PTPRZ1: variants seen among roughly 807,000 people sequenced by gnomAD.
The protein encoded by PTPRZ1 is receptor-type tyrosine-protein phosphatase zeta.
In PTPRZ1, 82 loss-of-function variants were observed where a neutral mutation model predicts 214.1. The ratio of observed to expected loss-of-function variants is 0.38; its 90% CI spans 0.32 to 0.46. PTPRZ1 has a LOEUF of 0.46. PTPRZ1 is among the 20% of genes least tolerant of loss of function. The pLI, the probability that PTPRZ1 is intolerant of heterozygous loss-of-function variation, is 1.00. For synonymous variants in PTPRZ1, 945 were observed against 987.9 expected (o/e 0.96, Z 0.81); for missense variants, 2,603 against 2,748.7 (o/e 0.95, Z 1.19).
Position 121,873,594 on chromosome 7 carries a change from G to A in PTPRZ1, c.58+37G>A, listed in dbSNP as rs1242036306. 1.9e-6 allele frequency: 3 copies of A among 1,608,334 alleles called. No individual in the cohort carries two copies. The African/African-American group carries it at 4.0e-5, about 22-fold the overall frequency. On this transcript the variant is annotated intron_variant, in intron 1 of 29. Transcript: ENST00000393386. Reference sequence around the variant, plus strand: ...GAGCTCGGTGGGGTTTCAGCTCCGGGATCGGTGGGATGAGGGTGGGAGCAT... The same window carrying A: ...GAGCTCGGTGGGGTTTCAGCTCCGGAATCGGTGGGATGAGGGTGGGAGCAT...
At chr7:122,035,299 T>C (rs941731488) in intron 17 of PTPRZ1, among the ~76,000 whole-genome samples, 1 of 152,170 alleles carries the variant, frequency 6.6e-6, no homozygotes, top group African/African-American at 2.4e-5. Context: ...TCCACAGAGT[T>C]TACACTAATT....
chr7:121,884,070 G>A (rs1238039085), intron 1 of PTPRZ1, among the ~76,000 whole-genome samples: 3 of 151,630 alleles, frequency 2.0e-5, no homozygotes, highest in African/African-American at 7.3e-5. Flanking sequence ...TGAAATGTAA[G>A]CATATTTTTT....
chr7:121,939,299 C>T (rs1290544625), intron 2 of PTPRZ1, among the ~76,000 whole-genome samples: 1 of 151,998 alleles, frequency 6.6e-6, no homozygotes, highest in African/African-American at 2.4e-5. Context: ...AGTGCTTTGC[C>T]ACCTGGAAAT....
intron 10 of PTPRZ1, among the ~76,000 whole-genome samples, chr7:122,003,087 A>G (rs1798376732): frequency 6.6e-6 from 1 of 152,188 alleles, no homozygotes; most frequent in African/African-American, 2.4e-5. Context: ...GCGATTACAA[A>G]GACACAAGTG....
chr7:121,978,358 G>C (rs1797504852), intron 6 of PTPRZ1, among the ~76,000 whole-genome samples: 1 of 152,160 alleles, frequency 6.6e-6, no homozygotes, highest in Non-Finnish European at 1.5e-5. Flanking sequence ...CACACTGAGA[G>C]TAAGTGATGT....
At chr7:121,941,845 G>A (rs1796246453) in intron 2 of PTPRZ1, among the ~76,000 whole-genome samples, 1 of 152,142 alleles carries the variant, frequency 6.6e-6, no homozygotes. Flanking sequence ...CTTAAGGAGT[G>A]ATAATAAATA....
chr7:121,907,166 C>G (rs557641418), intron 1 of PTPRZ1, among the ~76,000 whole-genome samples: 1 of 152,022 alleles, frequency 6.6e-6, no homozygotes, highest in South Asian at 2.1e-4. Context: ...ATGTTTTTTG[C>G]TTACAAATAT....
chr7:122,041,341 C>T (rs777856919), intron 21 of PTPRZ1, among the ~76,000 whole-genome samples: 1 of 147,916 alleles, frequency 6.8e-6, no homozygotes, highest in South Asian at 2.1e-4. Flanking sequence ...AACCCCTGTC[C>T]CTAGGAGTTA....
intron 28 of PTPRZ1, 84 bp downstream of exon 28, chr7:122,059,026 G>T (rs1370463229): frequency 1.5e-6 from 2 of 1,300,694 alleles, no homozygotes; most frequent in Non-Finnish European, 2.1e-6. Context: ...CAAACCTAAT[G>T]CTTTGGACCC....
chr7:122,030,009 T>C (rs1032617033), intron 14 of PTPRZ1, among the ~76,000 whole-genome samples: 7 of 151,980 alleles, frequency 4.6e-5, no homozygotes, highest in African/African-American at 1.7e-4. Flanking sequence ...CTTCCAAACA[T>C]GTCTCTTCTG....
At chr7:121,984,546 G>T (rs898594996) in intron 8 of PTPRZ1, among the ~76,000 whole-genome samples, 1 of 152,128 alleles carries the variant, frequency 6.6e-6, no homozygotes, top group African/African-American at 2.4e-5. Context: ...CTTTATGGGA[G>T]AACCGCCTTT....
In PTPRZ1 at chr7:122,057,565, T is replaced by C. The variant is rs1584785288; in HGVS notation, c.6529-1235T>C. 4.6e-5 allele frequency among the ~76,000 whole-genome samples: 7 copies of C among 151,802 alleles called. 1 individual carries two copies. Among genetic ancestry groups the C allele is most frequent in the Admixed American group, 4.6e-4 (7 of 15,218 alleles). ...TTTATCAGAGGTCTCGTATTGTGGA[T>C]ACTAATCCTTTGTCAGCTGCATATA... On this transcript the variant is annotated intron_variant, in intron 27 of 29. Transcript: ENST00000393386.
At chr7:121,918,114 G>A (rs1795480815) in intron 1 of PTPRZ1, among the ~76,000 whole-genome samples, 1 of 151,790 alleles carries the variant, frequency 6.6e-6, no homozygotes, top group South Asian at 2.1e-4. Context: ...AAGGAGTCAA[G>A]AAACTCTGCC....
At chr7:121,896,723 A>G (rs1234179153) in intron 1 of PTPRZ1, among the ~76,000 whole-genome samples, 1 of 152,062 alleles carries the variant, frequency 6.6e-6, no homozygotes, top group Non-Finnish European at 1.5e-5. Flanking sequence ...CAATGAGCCA[A>G]GATCGCGCCA....
At chr7:121,970,415 C>T (rs1797201599) in intron 3 of PTPRZ1, among the ~76,000 whole-genome samples, 2 of 152,314 alleles carry the variant, frequency 1.3e-5, no homozygotes, top group East Asian at 3.9e-4. Flanking sequence ...TACAGTCCCA[C>T]CAACAGTGTA....
chr7:121,902,565 T>A (rs1013150165), intron 1 of PTPRZ1, among the ~76,000 whole-genome samples: 2 of 152,212 alleles, frequency 1.3e-5, no homozygotes, highest in African/African-American at 4.8e-5. Context: ...CTAACTGAGA[T>A]GAGATGAAAT....
intron 23 of PTPRZ1, 127 bp from the exon 24 acceptor site, chr7:122,051,301 A>T: frequency 1.9e-6 from 1 of 522,190 alleles, no homozygotes; most frequent in Non-Finnish European, 3.2e-6. Flanking sequence ...AAAACATTTC[A>T]TATATATTTT....
At chr7:121,919,867 T>C (rs539927023) in intron 1 of PTPRZ1, among the ~76,000 whole-genome samples, 51 of 139,878 alleles carry the variant, frequency 3.6e-4, no homozygotes, top group African/African-American at 1.3e-3. Context: ...TCACACTTCT[T>C]CTAAATGTTC....
chr7:122,012,858 C>G lies in PTPRZ1; in HGVS notation c.3812C>G (p.Pro1271Arg), dbSNP rs781659327. The G allele has an allele frequency of 3.7e-6, 6 of 1,613,940 alleles. No individual in the cohort carries two copies. The highest frequency in any genetic ancestry group is 1.7e-6 in the Non-Finnish European group (2 of 1,179,870). ...TCCTATGCAAGTGAGAAATATGAAC[C>G]AGTTTTGTTAAAAAGTGAAAGTTCC... ...TISYASEKYEPVLLKSESSHQ... is the reference protein window; with the variant it reads ...TISYASEKYERVLLKSESSHQ... Residue 1271 changes from proline to arginine, a missense_variant, in exon 12 of 30, where the codon CCA (proline) becomes CGA (arginine). Physicochemically the swap from Pro to Arg is moderately radical, Grantham distance 103 (BLOSUM62 -2). Transcript: ENST00000393386.
Sources: gnomAD v4.1 joint callset for allele counts (sites outside exome capture counted in the v4.1 genomes callset) on GRCh38, gnomAD v4.1.1 for gene constraint, MANE v1.5 for transcripts, NCBI Gene and HGNC (gene_info 2026-07-23, HGNC 2026-07-21) for gene names.